Variants in CPLX1 observed in about 807,000 individuals in gnomAD.
The protein encoded by CPLX1 is complexin-1.
In CPLX1, 6 loss-of-function variants were observed where a neutral mutation model predicts 15.6. That is an observed-to-expected ratio of 0.39 (90% CI 0.21 to 0.76). The LOEUF (loss-of-function observed/expected upper bound fraction) is 0.76, where lower values mean the gene tolerates loss of function less well. Among genes scored for constraint, CPLX1 ranks in the 30% least tolerant of loss-of-function variants. CPLX1 has a pLI of 0.43. For synonymous variants in CPLX1, 91 were observed against 75.2 expected (o/e 1.21, Z -1.08); for missense variants, 242 against 188.6 (o/e 1.28, Z -1.66).
intron 2 of CPLX1, among the ~76,000 whole-genome samples, chr4:824,166 C>T (rs185540973): frequency 1.5e-3 from 229 of 152,344 alleles, no homozygotes; most frequent in Non-Finnish European, 2.1e-3. Flanking sequence ...GTAAAGCCTA[C>T]GCCAGAGTGT....
intron 2 of CPLX1, among the ~76,000 whole-genome samples, chr4:820,316 C>T (rs928741493): frequency 1.3e-5 from 2 of 152,270 alleles, no homozygotes; most frequent in Admixed American, 1.3e-4. Context: ...GGGGCAGGAA[C>T]TGGCAGAATC....
At chr4:802,705 T>C (rs1746481117) in intron 2 of CPLX1, among the ~76,000 whole-genome samples, 1 of 152,146 alleles carries the variant, frequency 6.6e-6, no homozygotes. Flanking sequence ...ATCCCAGCAC[T>C]TTGGGAGGCC....
chr4:805,578 T>C (rs1746542118), intron 2 of CPLX1, among the ~76,000 whole-genome samples: 1 of 152,246 alleles, frequency 6.6e-6, no homozygotes, highest in African/African-American at 2.4e-5. Flanking sequence ...AATTGCCATA[T>C]GATCTAGCGA....
At chr4:807,017 A>G (rs1746566506) in intron 2 of CPLX1, among the ~76,000 whole-genome samples, 1 of 152,234 alleles carries the variant, frequency 6.6e-6, no homozygotes, top group African/African-American at 2.4e-5. Context: ...TTTAAGATAT[A>G]TGTACGTGTA....
intron 2 of CPLX1, among the ~76,000 whole-genome samples, chr4:822,415 TTC>T: frequency 6.6e-6 from 1 of 151,834 alleles, no homozygotes. Context: ...CTCTCCCTCT[TTC>T]TCTCTCTCCC....
At chr4:794,726 T>C (rs1461116566) in intron 2 of CPLX1, among the ~76,000 whole-genome samples, 2 of 152,220 alleles carry the variant, frequency 1.3e-5, no homozygotes, top group Non-Finnish European at 2.9e-5. Context: ...TGGAAAGGAC[T>C]GGCGTCTATA....
chr4:800,149 C>T (rs1746422788), intron 2 of CPLX1, among the ~76,000 whole-genome samples: 1 of 152,142 alleles, frequency 6.6e-6, no homozygotes, highest in Admixed American at 6.5e-5. Flanking sequence ...GCCGGACTGA[C>T]TGCTTGCTTG....
chr4:814,473 A>G (rs1185126427), intron 2 of CPLX1, among the ~76,000 whole-genome samples: 1 of 152,006 alleles, frequency 6.6e-6, no homozygotes, highest in Admixed American at 6.5e-5. Flanking sequence ...TTGGCCTCCC[A>G]CAGTGTTGGG....
chr4:824,941 C>T (rs1039205933), intron 1 of CPLX1: 4 of 373,528 alleles, frequency 1.1e-5, no homozygotes, highest in Non-Finnish European at 1.6e-5. Context: ...CGCTCTGCAG[C>T]TCAGTGTCTG....
chr4:824,984 GGCCGT>G, intron 1 of CPLX1: 1 of 358,334 alleles, frequency 2.8e-6, no homozygotes, highest in South Asian at 2.1e-5. Context: ...CCGAGCCCAG[GGCCGT>G]GGAGAAGGGT....
intron 2 of CPLX1, among the ~76,000 whole-genome samples, chr4:796,686 A>G (rs1341029554): frequency 1.3e-5 from 2 of 152,234 alleles, no homozygotes; most frequent in Non-Finnish European, 2.9e-5. Flanking sequence ...TAAATAAAGA[A>G]AGACACTTGT....
At chr4:823,660 G>A (rs538793160) in intron 2 of CPLX1, among the ~76,000 whole-genome samples, 2 of 152,336 alleles carry the variant, frequency 1.3e-5, no homozygotes, top group African/African-American at 2.4e-5. Context: ...GACTCGCCAC[G>A]ACAGCCCCGA....
intron 2 of CPLX1, among the ~76,000 whole-genome samples, chr4:794,816 G>C (rs1487382708): frequency 2.6e-5 from 4 of 152,206 alleles, no homozygotes; most frequent in Non-Finnish European, 5.9e-5. Context: ...GAGCTGCAGG[G>C]CTTCTGCAGC....
At chr4:811,197 C>T (rs1464463618) in intron 2 of CPLX1, among the ~76,000 whole-genome samples, 1 of 152,146 alleles carries the variant, frequency 6.6e-6, no homozygotes, top group African/African-American at 2.4e-5. Flanking sequence ...ATGGGATCTC[C>T]CTACATTGCC....
intron 2 of CPLX1, among the ~76,000 whole-genome samples, chr4:796,831 G>A (rs1560239896): frequency 6.6e-6 from 1 of 152,170 alleles, no homozygotes; most frequent in Non-Finnish European, 1.5e-5. Context: ...CATTTGCCAG[G>A]ACAGACACCT....
intron 2 of CPLX1, among the ~76,000 whole-genome samples, chr4:794,362 G>T (rs1043584589): frequency 1.3e-5 from 2 of 152,240 alleles, no homozygotes; most frequent in African/African-American, 4.8e-5. Flanking sequence ...CGCTGCTGGG[G>T]ACAGGCAGGC....
At position 792,502 on chromosome 4, in the gene CPLX1, C is replaced by T; in HGVS notation, c.138G>A (p.Glu46=). The T allele has an allele frequency of 1.2e-6, 2 of 1,613,196 alleles. No individual in the cohort carries two copies. Among genetic ancestry groups the T allele is most frequent in the Non-Finnish European group, 8.5e-7 (1 of 1,179,754 alleles). The part of the protein sequence containing the change: ...ERQEALRQAE[E]ERKAKYAKME... ...TCTTGGCGTACTTGGCCTTGCGCTC[C>T]TCCTCCGCCTGGCGCAGCGCCTCCT... The change falls in exon 3 of 4, where the codon GAG becomes GAA. Residue 46 remains glutamate, a synonymous_variant. Transcript: ENST00000304062.
chr4:797,838 C>CAGG (rs1221583726), intron 2 of CPLX1, among the ~76,000 whole-genome samples: 3 of 152,034 alleles, frequency 2.0e-5, no homozygotes, highest in Non-Finnish European at 2.9e-5. Flanking sequence ...GAGGCTGAGG[C>CAGG]AGAATGGTGT....
At chr4:793,080 C>CTT (rs1746233375) in intron 2 of CPLX1, among the ~76,000 whole-genome samples, 1 of 152,118 alleles carries the variant, frequency 6.6e-6, no homozygotes, top group African/African-American at 2.4e-5. Context: ...TCAGGCTTGT[C>CTT]GTCTTGTGGT....
Sources: gnomAD v4.1 joint callset for allele counts (sites outside exome capture counted in the v4.1 genomes callset) on GRCh38, gnomAD v4.1.1 for gene constraint, MANE v1.5 for transcripts, NCBI Gene and HGNC (gene_info 2026-07-23, HGNC 2026-07-21) for gene names.